The following HMSD variants were observed in gnomAD, a reference collection of about 807,000 sequenced individuals.
HMSD encodes the protein histocompatibility minor serpin domain containing, also known as serpin-like protein HMSD.
A neutral mutation model predicts 10.0 loss-of-function variants in HMSD; 13 were observed. The ratio of observed to expected loss-of-function variants is 1.31; its 90% CI spans 0.85 to 2.08. The LOEUF is 2.08. Among genes scored for constraint, HMSD ranks in the 30% most tolerant of loss-of-function variants. The pLI, the probability that HMSD is intolerant of heterozygous loss-of-function variation, is 0.00. For missense variants in HMSD, 169 were observed against 166.3 expected (o/e 1.02, Z -0.09); for synonymous variants, 51 against 54.2 (o/e 0.94, Z 0.26).
chr18:63,968,636 A>AT (rs1471138692), intron 3 of HMSD: 2 of 152,248 alleles, frequency 1.3e-5, no homozygotes, highest in African/African-American at 4.8e-5. Context: ...GAAAACAAGC[A>AT]TTTTTCATCT....
downstream of HMSD, among the ~76,000 whole-genome samples, chr18:63,964,775 T>C (rs2050403261): frequency 6.6e-6 from 1 of 152,162 alleles, no homozygotes; most frequent in Non-Finnish European, 1.5e-5. Context: ...CCCTCCTGAC[T>C]TTATTTTACC....
intron 1 of HMSD, among the ~76,000 whole-genome samples, chr18:63,951,456 A>T (rs1331268377): frequency 6.6e-6 from 1 of 152,216 alleles, no homozygotes; most frequent in East Asian, 1.9e-4. Flanking sequence ...CAGGGGGGAA[A>T]CTGTGGGAGA....
At chr18:63,961,992 A>G (rs1055725107), downstream of HMSD, among the ~76,000 whole-genome samples, 1 of 152,210 alleles carries the variant, frequency 6.6e-6, no homozygotes, top group African/African-American at 2.4e-5. Context: ...GTTTTGTGAA[A>G]TTGCACTAAG....
At chr18:63,953,689 G>T (rs1599108002) in intron 2 of HMSD, among the ~76,000 whole-genome samples, 162 bp downstream of exon 2, 1 of 152,202 alleles carries the variant, frequency 6.6e-6, no homozygotes, top group Non-Finnish European at 1.5e-5. Flanking sequence ...TGTTTTCAAG[G>T]CCTGACCTTC....
intron 2 of HMSD, among the ~76,000 whole-genome samples, chr18:63,954,168 A>G (rs993925418): frequency 6.6e-6 from 1 of 152,232 alleles, no homozygotes; most frequent in Non-Finnish European, 1.5e-5. Context: ...ATATCCACTT[A>G]TACCAATACT....
chr18:63,959,269 A>G (rs9954679), intron 3 of HMSD, among the ~76,000 whole-genome samples: 3,930 of 152,296 alleles, frequency 0.026, 167 homozygotes, highest in African/African-American at 0.085. Flanking sequence ...CAAAGTGACT[A>G]TACAATATTG....
Position 63,954,519 on chromosome 18 carries a change from A to G in HMSD, c.184A>G (p.Asn62Asp). The change falls in exon 3 of 4, where the codon AAC becomes GAC. Residue 62 changes from asparagine to aspartate, a missense_variant. Coordinates refer to ENST00000408945, the MANE Select transcript of HMSD (RefSeq NM_001123366.2). ...CACTGAATATGTGCTTAGAACTGCC[A>G]ACGGGCTCTTTGGAGAAAAGTCTTA... ...TDTEYVLRTA[N>D]GLFGEKSYDF... 1 of 1,613,160 alleles carries G rather than the reference A, an allele frequency of 6.2e-7. No homozygotes were observed. The highest frequency in any genetic ancestry group is 8.5e-7 in the Non-Finnish European group (1 of 1,179,306).
At chr18:63,965,304 G>A (rs2050405183), downstream of HMSD, among the ~76,000 whole-genome samples, 1 of 152,208 alleles carries the variant, frequency 6.6e-6, no homozygotes, top group African/African-American at 2.4e-5. Context: ...TAACTCTATT[G>A]ATAAGCTAAA....
downstream of HMSD, among the ~76,000 whole-genome samples, chr18:63,963,071 CTCTTTCTTTCTTTCTTTCTT>C (rs58573319): frequency 0.021 from 2,158 of 104,856 alleles, 33 homozygotes; most frequent in Middle Eastern, 0.033. Context: ...TCTTTTCTTT[CTCTTTCTTTCTTTCTTTCTT>C]TCTTTCTTTC....
intron 3 of HMSD, among the ~76,000 whole-genome samples, chr18:63,959,168 G>T (rs937466285): frequency 6.6e-6 from 1 of 151,972 alleles, no homozygotes; most frequent in Non-Finnish European, 1.5e-5. Context: ...ATATTTGTGT[G>T]CAGGTTTTAT....
chr18:63,952,760 T>C (rs1358362794), intron 1 of HMSD, among the ~76,000 whole-genome samples: 2 of 152,204 alleles, frequency 1.3e-5, no homozygotes, highest in Non-Finnish European at 2.9e-5. Flanking sequence ...ATCCTAAAGG[T>C]ATAAATATTT....
downstream of HMSD, among the ~76,000 whole-genome samples, chr18:63,963,083 T>TTCTTTCTTTTCTTTC (rs2050394229): frequency 2.1e-5 from 1 of 47,966 alleles, no homozygotes; most frequent in African/African-American, 1.3e-4. Context: ...CTTTCTTTCT[T>TTCTTTCTTTTCTTTC]TCTTTCTTTC....
At chr18:63,957,267 T>C (rs1214171064) in intron 3 of HMSD, among the ~76,000 whole-genome samples, 1 of 150,580 alleles carries the variant, frequency 6.6e-6, no homozygotes, top group African/African-American at 2.4e-5. Flanking sequence ...ATTTACAACA[T>C]ATGCGATAGG....
intron 1 of HMSD, among the ~76,000 whole-genome samples, chr18:63,952,108 G>A (rs1172817602): frequency 1.6e-4 from 21 of 134,646 alleles, no homozygotes; most frequent in African/African-American, 5.9e-4. Context: ...ATGGACACAG[G>A]AAGGGGAATA....
rs930765944 is a variant in HMSD at position 63,953,377 on chromosome 18, C to G, written c.-79C>G. 8 of 1,051,454 alleles carry G rather than the reference C, an allele frequency of 7.6e-6. No individual in the cohort carries two copies. The African/African-American group carries it at 1.3e-4, about 17-fold the overall frequency. 65.1% of individuals were successfully genotyped at this position (1,051,454 alleles called of 1,614,324 possible). A position where few individuals can be genotyped will look rare whatever the true frequency, so the allele number is the denominator to read the frequency against. ...AGGCTCACCGTCATGGATGCTCTATCAGAAGCAAATGGCACATTTGCATTA... is the reference window on the plus strand; with the variant it reads ...AGGCTCACCGTCATGGATGCTCTATGAGAAGCAAATGGCACATTTGCATTA... On this transcript the variant is annotated 5_prime_UTR_variant, in exon 2 of 4. In the 5' UTR this introduces an upstream ATG that the reference lacks. Transcript: ENST00000408945.
intron 1 of HMSD, among the ~76,000 whole-genome samples, chr18:63,950,198 C>T (rs2050321982): frequency 2.0e-5 from 3 of 151,832 alleles, no homozygotes; most frequent in Admixed American, 6.6e-5. Flanking sequence ...GGGCGGATCA[C>T]GAGGTCAGGA....
downstream of HMSD, among the ~76,000 whole-genome samples, chr18:63,966,132 T>G (rs1419721760): frequency 6.6e-6 from 1 of 152,190 alleles, no homozygotes; most frequent in Non-Finnish European, 1.5e-5. Flanking sequence ...AGTGGAACAC[T>G]GGCACAGCAG....
At chr18:63,963,113 CTTTCTTTCTTT>C (rs2050395450), downstream of HMSD, among the ~76,000 whole-genome samples, 1 of 132,062 alleles carries the variant, frequency 7.6e-6, no homozygotes, top group South Asian at 2.3e-4. Flanking sequence ...TTCTTTCTTT[CTTTCTTTCTTT>C]CTTTCTTTCC....
At chr18:63,959,204 G>A (rs919461270) in intron 3 of HMSD, among the ~76,000 whole-genome samples, 3 of 152,100 alleles carry the variant, frequency 2.0e-5, no homozygotes, top group African/African-American at 7.2e-5. Context: ...AATGGTAAGG[G>A]TCATGATTGC....
Sources: gnomAD v4.1 joint callset for allele counts (sites outside exome capture counted in the v4.1 genomes callset) on GRCh38, gnomAD v4.1.1 for gene constraint, MANE v1.5 for transcripts, NCBI Gene and HGNC (gene_info 2026-07-23, HGNC 2026-07-21) for gene names.